TSHZ2: variants seen among roughly 807,000 people sequenced by gnomAD.
The protein encoded by TSHZ2 is teashirt zinc finger homeobox 2, also known as teashirt homolog 2.
A neutral mutation model predicts 74.4 loss-of-function variants in TSHZ2; 21 were observed. The observed-to-expected ratio is 0.28, with a 90% CI of 0.20 to 0.41. The LOEUF is 0.41. Among genes scored for constraint, TSHZ2 ranks in the 10% least tolerant of loss-of-function variants. The pLI is 1.00. For missense variants in TSHZ2, 1,244 were observed against 1,293.5 expected (o/e 0.96, Z 0.59); for synonymous variants, 540 against 515.3 (o/e 1.05, Z -0.65).
intron 2 of TSHZ2, among the ~76,000 whole-genome samples, chr20:53,338,558 G>A (rs1980049745): frequency 6.6e-6 from 1 of 152,204 alleles, no homozygotes; most frequent in Non-Finnish European, 1.5e-5. Flanking sequence ...AGTTGACAAT[G>A]CCTAGAGACA....
At chr20:53,481,484 G>A (rs1986147872) in intron 2 of TSHZ2, among the ~76,000 whole-genome samples, 2 of 151,934 alleles carry the variant, frequency 1.3e-5, no homozygotes, top group Admixed American at 1.3e-4. Flanking sequence ...TGAGGTGGGA[G>A]GATCACCTGA....
chr20:53,043,296 T>C (rs113908541), intron 1 of TSHZ2, among the ~76,000 whole-genome samples: 2,153 of 152,280 alleles, frequency 0.014, 55 homozygotes, highest in African/African-American at 0.044. Context: ...CAACAGGAGG[T>C]GGTTTTGCCT....
chr20:53,068,161 C>T (rs1021127481), intron 1 of TSHZ2, among the ~76,000 whole-genome samples: 2 of 152,182 alleles, frequency 1.3e-5, no homozygotes, highest in African/African-American at 4.8e-5. Context: ...TGCAAAGACC[C>T]TTCTTCTGAA....
chr20:53,128,942 G>A lies in TSHZ2; in HGVS notation c.41-124557G>A, dbSNP rs542231162. Among the ~76,000 whole-genome samples the A allele has an allele frequency of 2.0e-4, 30 of 152,102 alleles. No individual in the cohort carries two copies. The East Asian group carries it at 4.1e-3, about 21-fold the overall frequency. On this transcript the variant is annotated intron_variant, in intron 1 of 2. Coordinates refer to ENST00000371497, the MANE Select transcript of TSHZ2 (RefSeq NM_173485.6). ...GCTGGGCAGGAGCACTTCCATATGC[G>A]CCAGGAGAAAGTCCAAATTCATAAC...
chr20:53,379,713 T>C (rs1257980531), intron 2 of TSHZ2, among the ~76,000 whole-genome samples: 1 of 152,092 alleles, frequency 6.6e-6, no homozygotes, highest in Non-Finnish European at 1.5e-5. Context: ...GGAAAGTTTC[T>C]AAGGGACACC....
At position 53,290,115 on chromosome 20, in the gene TSHZ2, C is replaced by T. The variant is rs6097338; in HGVS notation, c.*8+33544C>T. Among the ~76,000 whole-genome samples the T allele has an allele frequency of 9.3e-3, 1,408 of 152,210 alleles. 29 individuals carry two copies. The highest frequency in any genetic ancestry group is 0.032 in the African/African-American group (1,318 of 41,520). On this transcript the variant is annotated intron_variant, in intron 2 of 2. Coordinates refer to ENST00000371497, the MANE Select transcript of TSHZ2 (RefSeq NM_173485.6). ...GAAAAACTAGAAAAATTGTCAATGG[C>T]GTTCCACCTTCCTATGTGGAGTCAG... is the stretch of plus-strand genomic sequence containing the variant.
At chr20:53,440,922 C>T (rs1273393378) in intron 2 of TSHZ2, among the ~76,000 whole-genome samples, 1 of 152,212 alleles carries the variant, frequency 6.6e-6, no homozygotes, top group African/African-American at 2.4e-5. Context: ...TAGCAGCTTT[C>T]TAGGTGACTC....
chr20:53,422,915 T>G (rs1953367399), intron 2 of TSHZ2, among the ~76,000 whole-genome samples: 2 of 152,226 alleles, frequency 1.3e-5, no homozygotes, highest in South Asian at 4.1e-4. Flanking sequence ...AGTAGTAATT[T>G]GATTTCCTGG....
At chr20:53,039,834 G>A (rs1210842916) in intron 1 of TSHZ2, among the ~76,000 whole-genome samples, 2 of 151,410 alleles carry the variant, frequency 1.3e-5, no homozygotes, top group African/African-American at 2.4e-5. Flanking sequence ...AGGGCCGGCT[G>A]TGGTGGCTCA....
At chr20:53,233,755 A>G (rs1010563662) in intron 1 of TSHZ2, among the ~76,000 whole-genome samples, 1 of 152,242 alleles carries the variant, frequency 6.6e-6, no homozygotes, top group African/African-American at 2.4e-5. Context: ...GAGACTCTGT[A>G]GTATAAATTC....
chr20:53,237,138 T>C (rs935662304), intron 1 of TSHZ2, among the ~76,000 whole-genome samples: 6 of 152,204 alleles, frequency 3.9e-5, no homozygotes, highest in African/African-American at 1.4e-4. Flanking sequence ...CATGAGATCC[T>C]TACTAAGTGA....
At chr20:53,266,650 GT>G (rs1192839622) in intron 2 of TSHZ2, among the ~76,000 whole-genome samples, 1 of 152,058 alleles carries the variant, frequency 6.6e-6, no homozygotes, top group African/African-American at 2.4e-5. Flanking sequence ...ATCCAAAAGT[GT>G]TTGTGTGCAT....
At chr20:53,463,298 A>T (rs1365658357) in intron 2 of TSHZ2, among the ~76,000 whole-genome samples, 2 of 151,628 alleles carry the variant, frequency 1.3e-5, no homozygotes, top group African/African-American at 4.9e-5. Flanking sequence ...GAGACAGGAG[A>T]ATCACATGAG....
At chr20:53,263,012 G>T (rs916107365) in intron 2 of TSHZ2, among the ~76,000 whole-genome samples, 57 of 152,132 alleles carry the variant, frequency 3.7e-4, no homozygotes, top group African/African-American at 1.4e-3. Context: ...ATAGTTGTTT[G>T]GTTTGGTTTG....
At chr20:53,335,022 T>G (rs1009035616) in intron 2 of TSHZ2, among the ~76,000 whole-genome samples, 3 of 152,222 alleles carry the variant, frequency 2.0e-5, no homozygotes, top group African/African-American at 7.2e-5. Flanking sequence ...GAGAATAAAC[T>G]ATGAGTAGGC....
chr20:53,488,335 T>TTTA lies in TSHZ2; in HGVS notation c.*1200_*1201insTTA, dbSNP rs1173158357. On this transcript the variant is annotated 3_prime_UTR_variant, in exon 3 of 3. Transcript: ENST00000371497. Reference sequence around the variant, plus strand: ...GGATTTTTAACGGATGTCTTAATTATACGTTATTATTAACGGGAATACTGT... The same window carrying TTTA: ...GGATTTTTAACGGATGTCTTAATTATTTAACGTTATTATTAACGGGAATACTGT... The TTTA allele has an allele frequency of 2.0e-5, 3 of 152,206 alleles. No individual in the cohort carries two copies. Among genetic ancestry groups the TTTA allele is most frequent in the Non-Finnish European group, 4.4e-5 (3 of 68,022 alleles). 9.4% of individuals were successfully genotyped at this position (152,206 alleles called of 1,614,324 possible). A position where few individuals can be genotyped will look rare whatever the true frequency, so the allele number is the denominator to read the frequency against.
intron 1 of TSHZ2, among the ~76,000 whole-genome samples, chr20:53,060,105 G>A (rs1471995912): frequency 6.6e-6 from 1 of 152,196 alleles, no homozygotes; most frequent in Non-Finnish European, 1.5e-5. Flanking sequence ...CTGCCTGCCA[G>A]TGTAGTTGTA....
At chr20:53,029,401 C>T (rs1026835810) in intron 1 of TSHZ2, among the ~76,000 whole-genome samples, 1 of 152,186 alleles carries the variant, frequency 6.6e-6, no homozygotes, top group Non-Finnish European at 1.5e-5. Flanking sequence ...ATGGGCTAGG[C>T]GCAGTGGCTC....
At chr20:53,339,208 A>T (rs534163857) in intron 2 of TSHZ2, among the ~76,000 whole-genome samples, 2 of 152,296 alleles carry the variant, frequency 1.3e-5, no homozygotes, top group Admixed American at 1.3e-4. Context: ...TCTTAGTGGC[A>T]GATACTTCAT....
Sources: allele counts gnomAD v4.1 joint callset (sites outside exome capture counted in the v4.1 genomes callset), GRCh38; gene constraint gnomAD v4.1.1; transcripts MANE v1.5; gene names NCBI Gene and HGNC (gene_info 2026-07-23, HGNC 2026-07-21).